Variants in BUB1 observed in about 807,000 individuals in gnomAD.
BUB1 encodes mitotic checkpoint serine/threonine-protein kinase BUB1.
Under a neutral mutation model 135.2 loss-of-function variants are expected in BUB1, and 84 were observed. The observed-to-expected ratio is 0.62, with a 90% confidence interval of 0.52 to 0.74. The LOEUF is 0.74. Among genes scored for constraint, BUB1 ranks in the 30% least tolerant of loss-of-function variants. The pLI, the probability that BUB1 is intolerant of heterozygous loss-of-function variation, is 0.00. For synonymous variants in BUB1, 403 were observed against 434.4 expected (o/e 0.93, Z 0.90); for missense variants, 1,162 against 1,288.3 (o/e 0.90, Z 1.50).
chr2:110,650,652 T>C lies in BUB1; in HGVS notation c.2097A>G (p.Arg699=), dbSNP rs779778345. The change falls in exon 18 of 25, where the codon AGA becomes AGG. Residue 699 remains arginine (R), a synonymous_variant. Coordinates refer to ENST00000302759, the MANE Select transcript of BUB1 (RefSeq NM_004336.5). The stretch of plus-strand genomic sequence containing the variant: ...CAATGGCAGCGTCAGTGTCTGTGAG[T>C]CTGCAAGCCTCAACGCCCAACTCTG... ...CEAELGVEAC[R]LTDTDAAIAE... The C allele has an allele frequency of 4.3e-6, 7 of 1,613,906 alleles. No individual in the cohort carries two copies. Among genetic ancestry groups the C allele is most frequent in the Non-Finnish European group, 5.9e-6 (7 of 1,179,960 alleles).
intron 1 of BUB1, among the ~76,000 whole-genome samples, chr2:110,676,985 C>T (rs1314322649): frequency 6.6e-6 from 1 of 152,052 alleles, no homozygotes; most frequent in Admixed American, 6.6e-5. Flanking sequence ...AGGGACAAAT[C>T]CCTATTTCAG....
In BUB1 at chr2:110,649,389, GAGA is replaced by G; in HGVS notation, c.2204-15_2204-13del. 7.7e-7 allele frequency: 1 copy of G among 1,301,286 alleles called. No homozygotes were observed. The highest frequency in any genetic ancestry group is 2.1e-5 in the South Asian group (1 of 47,524). 80.6% of individuals were successfully genotyped at this position (1,301,286 alleles called of 1,614,324 possible). A position where few individuals can be genotyped will look rare whatever the true frequency, so the allele number is the denominator to read the frequency against. On this transcript the variant is annotated splice_polypyrimidine_tract_variant and intron_variant, in intron 18 of 24. Coordinates refer to ENST00000302759, the MANE Select transcript of BUB1 (RefSeq NM_004336.5). Reference sequence around the variant, plus strand: ...CCCAACAATGAAGTCTTAAAGGAATGAGAAAAAAAAAAAAAAAGGGAACATGAA... The same window carrying G: ...CCCAACAATGAAGTCTTAAAGGAATGAAAAAAAAAAAAAAGGGAACATGAA...
chr2:110,647,937 T>A (rs147972020), intron 19 of BUB1, among the ~76,000 whole-genome samples: 1 of 152,334 alleles, frequency 6.6e-6, no homozygotes, highest in Non-Finnish European at 1.5e-5. Flanking sequence ...GGAATTCTTA[T>A]TCACTGTTGG....
chr2:110,673,297 A>G (rs148717622), intron 3 of BUB1, among the ~76,000 whole-genome samples: 61 of 152,292 alleles, frequency 4.0e-4, no homozygotes, highest in African/African-American at 1.3e-3. Flanking sequence ...ATAATAAAAC[A>G]TTAACCGTAG....
intron 9 of BUB1, among the ~76,000 whole-genome samples, chr2:110,663,628 G>A (rs1338525380): frequency 1.3e-5 from 2 of 152,202 alleles, no homozygotes; most frequent in Non-Finnish European, 2.9e-5. Context: ...GCTAGGAGCG[G>A]TGTGTCCCTA....
chr2:110,651,356 T>C (rs986516754), intron 17 of BUB1, among the ~76,000 whole-genome samples: 1 of 152,108 alleles, frequency 6.6e-6, no homozygotes, highest in Non-Finnish European at 1.5e-5. Flanking sequence ...TGTATGTTTG[T>C]GTGGTCGTTT....
rs776704820 is a variant in BUB1, at chr2:110,641,231, GC to G, written c.2784-27del. The stretch of plus-strand genomic sequence containing the variant: ...CTATATTAAACACAAACAAAGCCAG[GC>G]TGCATGAGCACAAATGATGAAAGGC... On this transcript the variant is annotated intron_variant, in intron 22 of 24. Coordinates refer to ENST00000302759, the MANE Select transcript of BUB1 (RefSeq NM_004336.5). 5.7e-6 allele frequency: 9 copies of G among 1,587,070 alleles called. No homozygotes were observed. The East Asian group carries it at 2.0e-4, about 36-fold the overall frequency.
At position 110,678,025 on chromosome 2, in the gene BUB1, A is replaced by C. The variant is rs1331814069; in HGVS notation, c.-30T>G. On this transcript the variant is annotated 5_prime_UTR_variant, in exon 1 of 25. Coordinates refer to ENST00000302759, the MANE Select transcript of BUB1 (RefSeq NM_004336.5). ...AGAGGACGCTGGCCGGCAGCGGCCA[A>C]ACCTGAACCGCAAACTAGAAGCCGC... 2.5e-6 allele frequency: 4 copies of C among 1,594,586 alleles called. No homozygotes were observed. Among genetic ancestry groups the C allele is most frequent in the Non-Finnish European group, 2.6e-6 (3 of 1,172,530 alleles).
chr2:110,645,331 G>A (rs1447189757), intron 19 of BUB1, among the ~76,000 whole-genome samples: 1 of 151,872 alleles, frequency 6.6e-6, no homozygotes, highest in Non-Finnish European at 1.5e-5. Context: ...CTACTCAGGA[G>A]GCTGAGACAG....
At chr2:110,651,907 A>G in intron 17 of BUB1, among the ~76,000 whole-genome samples, 1 of 152,198 alleles carries the variant, frequency 6.6e-6, no homozygotes, top group East Asian at 1.9e-4. Flanking sequence ...CTAGGTGTGT[A>G]GTAAACTAAT....
Position 110,674,099 on chromosome 2 carries a change from T to C in BUB1, c.212A>G (p.Tyr71Cys), listed in dbSNP as rs139180800. 54 of 1,529,700 alleles carry C rather than the reference T, an allele frequency of 3.5e-5. No homozygotes were observed. The highest frequency in any genetic ancestry group is 4.8e-5 in the Non-Finnish European group (53 of 1,109,408). 94.8% of individuals were successfully genotyped at this position (1,529,700 alleles called of 1,614,324 possible). ...KYHNDPRFISYCLKFAEYNSD... is the reference protein window; with the variant it reads ...KYHNDPRFISCCLKFAEYNSD... The stretch of plus-strand genomic sequence containing the variant: ...AAGTATACTTACAAATTTTAAACAA[T>C]AACTGATGAATCTTGGGTCATTGTG... Residue 71 changes from tyrosine (Y) to cysteine (C), a missense_variant, in exon 3 of 25, where the codon TAT (tyrosine) becomes TGT (cysteine). Coordinates refer to ENST00000302759, the MANE Select transcript of BUB1 (RefSeq NM_004336.5).
At chr2:110,666,635 A>C (rs1486463453) in intron 8 of BUB1, among the ~76,000 whole-genome samples, 1 of 152,058 alleles carries the variant, frequency 6.6e-6, no homozygotes, top group African/African-American at 2.4e-5. Flanking sequence ...AAAAAAAAAA[A>C]AAAACTACAT....
intron 18 of BUB1, 83 bp downstream of exon 18, chr2:110,650,463 C>T (rs1358754528): frequency 7.7e-7 from 1 of 1,305,780 alleles, no homozygotes; most frequent in Non-Finnish European, 1.1e-6. Flanking sequence ...CATTCAAGTC[C>T]CACTGTGGGT....
chr2:110,659,907 G>C, intron 11 of BUB1, 71 bp downstream of exon 11: 1 of 1,365,144 alleles, frequency 7.3e-7, no homozygotes, highest in East Asian at 2.4e-5. Context: ...ATAAACCACA[G>C]CCACAAAATA....
chr2:110,659,936 A>G (rs754805416), intron 11 of BUB1, 42 bp downstream of exon 11: 2 of 1,549,978 alleles, frequency 1.3e-6, no homozygotes, highest in Non-Finnish European at 1.8e-6. Flanking sequence ...AGTGATACAG[A>G]GGAATCTGGA....
Position 110,637,980 on chromosome 2 carries a change from T to A in BUB1, c.3242A>T (p.Lys1081Met), listed in dbSNP as rs761394321. 6.6e-7 allele frequency: 1 copy of A among 1,509,960 alleles called. No individual in the cohort carries two copies. Among genetic ancestry groups the A allele is most frequent in the Non-Finnish European group, 8.9e-7 (1 of 1,126,896 alleles). The allele number at this position is 1,509,960 out of a possible 1,614,324, so 93.5% of individuals were successfully genotyped here. ...NRLIVLLLEC[K>M]RSRK ...ATCCAAATTTTATTTTCGTGAACGC[T>A]TACATTCTAAGAGCAGTACAATTAG... The change falls in exon 25 of 25, where the codon AAG becomes ATG. Residue 1081 changes from lysine to methionine, a missense_variant. By Grantham distance (95) the Lys-to-Met change is moderately conservative. Coordinates refer to ENST00000302759, the MANE Select transcript of BUB1 (RefSeq NM_004336.5).
intron 17 of BUB1, among the ~76,000 whole-genome samples, chr2:110,651,442 T>C (rs1689784272): frequency 1.3e-5 from 2 of 152,218 alleles, no homozygotes; most frequent in African/African-American, 4.8e-5. Flanking sequence ...AAAATATTTT[T>C]GTATAGTTGT....
At position 110,642,147 on chromosome 2, in the gene BUB1, G is replaced by C. The variant is rs1376145190; in HGVS notation, c.2435C>G (p.Ala812Gly). The change falls in exon 20 of 25, where the codon GCT becomes GGT. Residue 812 changes from alanine (A) to glycine (G), a missense_variant. Coordinates refer to ENST00000302759, the MANE Select transcript of BUB1 (RefSeq NM_004336.5). ...TAAAACAAATTTCTGTTTATTTTTAGCATCATTCAGATCTCCCTGGGTAGC... is the reference window on the plus strand; with the variant it reads ...TAAAACAAATTTCTGTTTATTTTTACCATCATTCAGATCTCCCTGGGTAGC... The part of the protein sequence containing the change: ...YEATQGDLND[A>G]KNKQKFVLKV... 6.2e-7 allele frequency: 1 copy of C among 1,611,474 alleles called. No homozygotes were observed. The highest frequency in any genetic ancestry group is 1.3e-5 in the African/African-American group (1 of 74,762).
chr2:110,654,352 TA>T lies in BUB1; in HGVS notation c.1877-830del, dbSNP rs751293122. On this transcript the variant is annotated intron_variant, in intron 16 of 24. Coordinates refer to ENST00000302759, the MANE Select transcript of BUB1 (RefSeq NM_004336.5). Reference sequence around the variant, plus strand: ...GGCAATATTTATTACTCTCCATAATTAAAAAAAAAATCTATCTATAGATAGG... The same window carrying T: ...GGCAATATTTATTACTCTCCATAATTAAAAAAAAATCTATCTATAGATAGG... Among the ~76,000 whole-genome samples the T allele has an allele frequency of 6.7e-3, 1,007 of 150,022 alleles. 11 individuals carry two copies. The highest frequency in any genetic ancestry group is 0.023 in the African/African-American group (944 of 41,018).
Sources: gnomAD v4.1 joint callset for allele counts (sites outside exome capture counted in the v4.1 genomes callset) on GRCh38, gnomAD v4.1.1 for gene constraint, MANE v1.5 for transcripts, NCBI Gene and HGNC (gene_info 2026-07-23, HGNC 2026-07-21) for gene names.